SKI: variants seen among roughly 807,000 people sequenced by gnomAD.
SKI encodes SKI proto-oncogene.
In SKI, 23 loss-of-function variants were observed where a neutral mutation model predicts 59.3. That is an observed-to-expected ratio of 0.39 (90% confidence interval 0.28 to 0.55). The LOEUF is 0.55. SKI is among the 20% of genes least tolerant of loss of function. The pLI, the probability that SKI is intolerant of heterozygous loss-of-function variation, is 0.67. For missense variants in SKI, 1,017 were observed against 1,038.9 expected (o/e 0.98, Z 0.29); for synonymous variants, 673 against 488.6 (o/e 1.38, Z -4.98).
In SKI at chr1:2,309,113, TGA is replaced by T. The variant is rs758061101; in HGVS notation, c.*2350_*2351del. ...AGGGTCACTTCCACTGTCAGGGGCC[TGA>T]GGGGGCAGCTGTGGCTGCAGGGCTG... On this transcript the variant is annotated 3_prime_UTR_variant, in exon 7 of 7. Coordinates refer to ENST00000378536, the MANE Select transcript of SKI (RefSeq NM_003036.4). The T allele has an allele frequency of 6.6e-6, 1 of 152,260 alleles. No homozygotes were observed. The highest frequency in any genetic ancestry group is 2.4e-5 in the African/African-American group (1 of 41,428). 9.4% of individuals were successfully genotyped at this position (152,260 alleles called of 1,614,324 possible).
At position 2,280,699 on chromosome 1, in the gene SKI, C is replaced by T. The variant is rs1420933255; in HGVS notation, c.970-22279C>T. ...CGGCGATCTTCAGAGAGAGGACGCC[C>T]GAGAAGACAGGCGGCGGCGGCGATC... is the stretch of plus-strand genomic sequence containing the variant. On this transcript the variant is annotated intron_variant, in intron 1 of 6. Coordinates refer to ENST00000378536, the MANE Select transcript of SKI (RefSeq NM_003036.4). Among the ~76,000 whole-genome samples, 23 of 29,622 alleles carry T rather than the reference C, an allele frequency of 7.8e-4. 1 individual carries two copies. Among genetic ancestry groups the T allele is most frequent in the Admixed American group, 1.5e-3 (4 of 2,682 alleles). 19.4% of individuals were successfully genotyped at this position (29,622 alleles called of 152,430 possible). A position where few individuals can be genotyped will look rare whatever the true frequency, so the allele number is the denominator to read the frequency against.
At chr1:2,233,450 C>T (rs1638687658) in intron 1 of SKI, among the ~76,000 whole-genome samples, 1 of 152,140 alleles carries the variant, frequency 6.6e-6, no homozygotes, top group Non-Finnish European at 1.5e-5. Context: ...CTCTGTCCTG[C>T]AGATGCCTGA....
intron 1 of SKI, among the ~76,000 whole-genome samples, chr1:2,263,499 A>G (rs1639431250): frequency 6.6e-6 from 1 of 151,358 alleles, no homozygotes; most frequent in African/African-American, 2.4e-5. Context: ...AGCCTCCCAA[A>G]GTGCTGGGAT....
intron 1 of SKI, among the ~76,000 whole-genome samples, chr1:2,239,974 CTAGTG>C (rs1266051119): frequency 6.6e-6 from 1 of 152,216 alleles, no homozygotes; most frequent in African/African-American, 2.4e-5. Flanking sequence ...CTCGGCGCCT[CTAGTG>C]TAGATGGGTT....
intron 1 of SKI, among the ~76,000 whole-genome samples, chr1:2,242,133 G>A (rs1638893419): frequency 6.6e-6 from 1 of 152,246 alleles, no homozygotes; most frequent in Non-Finnish European, 1.5e-5. Flanking sequence ...CCTAGAGACC[G>A]TCGGTGACCT....
At chr1:2,253,833 C>T (rs2100827442) in intron 1 of SKI, among the ~76,000 whole-genome samples, 1 of 152,284 alleles carries the variant, frequency 6.6e-6, no homozygotes, top group African/African-American at 2.4e-5. Flanking sequence ...ACAGTGACAG[C>T]AGAGGGGAGG....
chr1:2,231,672 C>T (rs992646799), intron 1 of SKI, among the ~76,000 whole-genome samples: 2 of 152,238 alleles, frequency 1.3e-5, no homozygotes, highest in Admixed American at 1.3e-4. Context: ...ATACTGACGA[C>T]GTGCACGGTG....
At chr1:2,280,618 A>G (rs1262556130) in intron 1 of SKI, among the ~76,000 whole-genome samples, 201 of 122,430 alleles carry the variant, frequency 1.6e-3, no homozygotes, top group Middle Eastern at 5.6e-3. Flanking sequence ...ATGCCCGAGA[A>G]GACAGGCGGC....
chr1:2,270,391 C>T lies in SKI; in HGVS notation c.970-32587C>T, dbSNP rs1433276345. On this transcript the variant is annotated intron_variant, in intron 1 of 6. Transcript: ENST00000378536. This position sits in a 1 kb window ranked among gnomAD's most constrained non-coding sequence, Gnocchi z 4.1. ...CCCATCTTGAATGCAGCCCTGGTGA[C>T]CTGAAGCCCCTGCGTTGGTCCCTCA... is the stretch of plus-strand genomic sequence containing the variant. Among the ~76,000 whole-genome samples, 1 of 152,198 alleles carries T rather than the reference C, an allele frequency of 6.6e-6. No individual in the cohort carries two copies. The highest frequency in any genetic ancestry group is 1.5e-5 in the Non-Finnish European group (1 of 68,026).
chr1:2,279,660 C>A (rs1639829048), intron 1 of SKI, among the ~76,000 whole-genome samples: 1 of 152,144 alleles, frequency 6.6e-6, no homozygotes, highest in Non-Finnish European at 1.5e-5. Flanking sequence ...TGTTCTCCTG[C>A]CCACCCAGGC....
chr1:2,301,130 C>T (rs906333290), intron 1 of SKI, among the ~76,000 whole-genome samples: 3 of 152,148 alleles, frequency 2.0e-5, no homozygotes, highest in African/African-American at 4.8e-5. Context: ...TCCACCCAGC[C>T]GGGCGTCCTC....
chr1:2,253,882 G>T (rs1425065741), intron 1 of SKI, among the ~76,000 whole-genome samples: 1 of 152,228 alleles, frequency 6.6e-6, no homozygotes, highest in East Asian at 1.9e-4. Context: ...GACTTGCTGA[G>T]GGTTGCTTTC....
intron 1 of SKI, among the ~76,000 whole-genome samples, chr1:2,254,047 G>A (rs185208811): frequency 5.9e-5 from 9 of 152,354 alleles, no homozygotes; most frequent in Middle Eastern, 3.4e-3. Flanking sequence ...ATGCTTGTCC[G>A]GAGCTGCCTC....
intron 1 of SKI, among the ~76,000 whole-genome samples, chr1:2,263,212 A>G (rs1460079851): frequency 8.3e-6 from 1 of 119,922 alleles, no homozygotes; most frequent in Non-Finnish European, 1.8e-5. Flanking sequence ...CTTGAGTTTT[A>G]TTTGCTAAAA....
Position 2,304,185 on chromosome 1 carries a change from C to T in SKI, c.1474+83C>T, listed in dbSNP as rs558260763. 501 of 1,580,000 alleles carry T rather than the reference C, an allele frequency of 3.2e-4. 5 individuals are homozygous for T. In the East Asian group the frequency reaches 0.01, roughly 33 times the overall value. ...TGAGGGGGGCTGGTCGCCGGGGGTG[C>T]GTTGGTGGCCCCATGTTTCGCAGGT... is the stretch of plus-strand genomic sequence containing the variant. On this transcript the variant is annotated intron_variant, in intron 4 of 6. Transcript: ENST00000378536.
In SKI at chr1:2,306,562, T is replaced by G. The variant is rs1383027720; in HGVS notation, c.1999-15T>G. The G allele has an allele frequency of 1.3e-6, 2 of 1,539,648 alleles. No homozygotes were observed. The highest frequency in any genetic ancestry group is 1.7e-6 in the Non-Finnish European group (2 of 1,145,070). ...GCAGCGAGCAGGCGCCGCTGACCAC[T>G]CGGCTCCCTTTCAGATCGAAGACCT... On this transcript the variant is annotated splice_polypyrimidine_tract_variant and intron_variant, in intron 6 of 6. Coordinates refer to ENST00000378536, the MANE Select transcript of SKI (RefSeq NM_003036.4).
At chr1:2,285,521 C>G (rs1640018926) in intron 1 of SKI, among the ~76,000 whole-genome samples, 1 of 149,420 alleles carries the variant, frequency 6.7e-6, no homozygotes, top group African/African-American at 2.4e-5. Flanking sequence ...GTCTCAAAAA[C>G]AAACAATAAA....
Position 2,306,090 on chromosome 1 carries a change from G to A in SKI, c.1838G>A (p.Arg613Gln), listed in dbSNP as rs758717016. The A allele has an allele frequency of 1.9e-6, 3 of 1,602,132 alleles. No individual in the cohort carries two copies. The highest frequency in any genetic ancestry group is 2.2e-5 in the South Asian group (2 of 88,890). ...REATEAKRNL[R>Q]KEIERLRAEN... ...GCCACGGAGGCCAAGCGTAACCTGC[G>A]GAAGGAGATCGAGCGTCTCCGCGCC... is the stretch of plus-strand genomic sequence containing the variant. The change falls in exon 6 of 7, where the codon CGG becomes CAG. Residue 613 changes from arginine to glutamine, a missense_variant. By Grantham distance (43) the Arg-to-Gln change is conservative. Transcript: ENST00000378536.
intron 1 of SKI, among the ~76,000 whole-genome samples, chr1:2,285,674 C>T (rs556677223): frequency 2.6e-5 from 4 of 150,956 alleles, no homozygotes; most frequent in Admixed American, 2.0e-4. Flanking sequence ...AGGCAGTTCT[C>T]TGCCTCAGCC....
Sources: allele counts gnomAD v4.1 joint callset (sites outside exome capture counted in the v4.1 genomes callset), GRCh38; gene constraint gnomAD v4.1.1; non-coding constraint Gnocchi (gnomAD v3.1); transcripts MANE v1.5; gene names NCBI Gene and HGNC (gene_info 2026-07-23, HGNC 2026-07-21).